GAA: variants seen among roughly 807,000 people sequenced by gnomAD.
The protein encoded by GAA is alpha glucosidase, also known as lysosomal alpha-glucosidase.
GAA carries 88 observed loss-of-function variants against 103.9 expected under a neutral mutation model. That is an observed-to-expected ratio of 0.85 (90% confidence interval 0.71 to 1.01). The LOEUF (loss-of-function observed/expected upper bound fraction) is 1.01. Among genes scored for constraint, GAA ranks in the 50% least tolerant of loss-of-function variants. The pLI, the probability that GAA is intolerant of heterozygous loss-of-function variation, is 0.00. For missense variants in GAA, 1,350 were observed against 1,305.3 expected (o/e 1.03, Z -0.53); for synonymous variants, 572 against 563.1 (o/e 1.02, Z -0.22).
rs1001984345 is a variant in GAA at position 80,111,303 on chromosome 17, C to T, written c.1636+278C>T. Among the ~76,000 whole-genome samples the T allele has an allele frequency of 9.8e-5, 15 of 152,302 alleles. No individual in the cohort carries two copies. The South Asian group carries it at 1.0e-3, about 11-fold the overall frequency. On this transcript the variant is annotated intron_variant, in intron 11 of 19. Transcript: ENST00000302262. ...CTCGACTCAGAGCCGTCTCGATAGG[C>T]GCAGGGACCATGCAGCGGAGACCTA...
At chr17:80,110,861 A>G in intron 10 of GAA, 21 bp downstream of exon 10, 1 of 1,613,400 alleles carries the variant, frequency 6.2e-7, no homozygotes, top group Non-Finnish European at 8.5e-7. Context: ...CCCCCTCCTG[A>G]GCATCCCCAA....
At chr17:80,110,335 C>T (rs372113563) in intron 9 of GAA, among the ~76,000 whole-genome samples, 6 of 152,320 alleles carry the variant, frequency 3.9e-5, no homozygotes, top group East Asian at 3.9e-4. Flanking sequence ...TCCTTGTCCT[C>T]CCAGCCCCCC....
Position 80,110,610 on chromosome 17 carries a change from A to G in GAA, c.1438-117A>G, listed in dbSNP as rs1325658119. 4 of 818,494 alleles carry G rather than the reference A, an allele frequency of 4.9e-6. No individual in the cohort carries two copies. The Admixed American group carries it at 6.3e-5, about 13-fold the overall frequency. 50.7% of individuals were successfully genotyped at this position (818,494 alleles called of 1,614,324 possible). ...AGGGTGCAGGTCTCTCAGATTTGCAAATGTGGGCGTCCACTAAGAGTGAGG... is the reference window on the plus strand; with the variant it reads ...AGGGTGCAGGTCTCTCAGATTTGCAGATGTGGGCGTCCACTAAGAGTGAGG... On this transcript the variant is annotated intron_variant, in intron 9 of 19. Transcript: ENST00000302262.
At position 80,107,596 on chromosome 17, in the gene GAA, G is replaced by C. The variant is rs1178922366; in HGVS notation, c.732G>C (p.Gln244His). Residue 244 changes from glutamine to histidine, a missense_variant, in exon 4 of 20, where the codon CAG (glutamine) becomes CAC (histidine). Physicochemically the swap from Gln to His is conservative, Grantham distance 24. Coordinates refer to ENST00000302262, the MANE Select transcript of GAA (RefSeq NM_000152.5). ...TGGCGCCCCTGTTCTTTGCGGACCA[G>C]TTCCTTCAGCTGTCCACCTCGCTGC... The part of the protein sequence containing the change: ...TTVAPLFFAD[Q>H]FLQLSTSLPS... 7 of 1,613,246 alleles carry C rather than the reference G, an allele frequency of 4.3e-6. No individual in the cohort carries two copies. The South Asian group carries it at 7.7e-5, about 18-fold the overall frequency.
At chr17:80,107,500 C>G (rs1424650530) in intron 3 of GAA, 57 bp from the exon 4 acceptor site, 4 of 1,610,978 alleles carry the variant, frequency 2.5e-6, no homozygotes, top group Middle Eastern at 1.7e-4. Context: ...TCTGGGTGCT[C>G]TCAGGCTCGT....
In GAA at chr17:80,112,716, G is replaced by A. The variant is rs528282884; in HGVS notation, c.1888+5G>A. 2 of 1,604,556 alleles carry A rather than the reference G, an allele frequency of 1.2e-6. No individual in the cohort carries two copies. The highest frequency in any genetic ancestry group is 1.7e-6 in the Non-Finnish European group (2 of 1,176,272). On this transcript the variant is annotated splice_donor_5th_base_variant and intron_variant, in intron 13 of 19. Coordinates refer to ENST00000302262, the MANE Select transcript of GAA (RefSeq NM_000152.5). The stretch of plus-strand genomic sequence containing the variant: ...AGCTCGCCTCCTCCGTGCCAGGTGA[G>A]CTCCTACCAGGAGGGGCTGCTCAGC...
rs150895924 is a variant in GAA at position 80,105,802 on chromosome 17, C to T, written c.600C>T (p.Val200=). 126 of 1,611,260 alleles carry T rather than the reference C, an allele frequency of 7.8e-5. No individual in the cohort carries two copies. The African/African-American group carries it at 1.5e-3, about 19-fold the overall frequency. The stretch of plus-strand genomic sequence containing the variant: ...AGGTGCCCTTGGAGACCCCGCATGT[C>T]CACAGCCGGGCACCGTCCCCACTCT... ...RYEVPLETPH[V]HSRAPSPLYS... The change falls in exon 3 of 20, where the codon GTC becomes GTT. Residue 200 remains valine (V), a synonymous_variant. Coordinates refer to ENST00000302262, the MANE Select transcript of GAA (RefSeq NM_000152.5).
At chr17:80,109,864 C>T in intron 8 of GAA, 81 bp from the exon 9 acceptor site, 3 of 985,238 alleles carry the variant, frequency 3.0e-6, no homozygotes, top group Non-Finnish European at 4.8e-6. Flanking sequence ...CCAGCCTCAT[C>T]CTCTCACTGT....
At chr17:80,112,290 A>C in intron 12 of GAA, 190 bp downstream of exon 12, 1 of 669,174 alleles carries the variant, frequency 1.5e-6, no homozygotes, top group Admixed American at 2.5e-5. Context: ...TTCCCACTTC[A>C]TGCCTGGGGC....
At chr17:80,112,460 C>A in intron 12 of GAA, 118 bp from the exon 13 acceptor site, 1 of 1,322,546 alleles carries the variant, frequency 7.6e-7, no homozygotes, top group South Asian at 1.2e-5. Context: ...CGCCGTCCTC[C>A]TCCCCAGCCT....
In GAA at chr17:80,105,877, G is replaced by T; in HGVS notation, c.675G>T (p.Gln225His). ...EEPFGVIVRR[Q>H]LDGRVLLNTT... ...CCTTCGGGGTGATCGTGCGCCGGCA[G>T]CTGGACGGCCGCGTGCTGTGAGTTC... Residue 225 changes from glutamine (Q) to histidine (H), a missense_variant, in exon 3 of 20, where the codon CAG (glutamine) becomes CAT (histidine). Coordinates refer to ENST00000302262, the MANE Select transcript of GAA (RefSeq NM_000152.5). 1 of 1,598,728 alleles carries T rather than the reference G, an allele frequency of 6.3e-7. No individual in the cohort carries two copies. Among genetic ancestry groups the T allele is most frequent in the Non-Finnish European group, 8.5e-7 (1 of 1,175,608 alleles).
rs71163924 is a variant in GAA at position 80,112,370 on chromosome 17, T to TG, written c.1755-200dup. On this transcript the variant is annotated intron_variant, in intron 12 of 19. Coordinates refer to ENST00000302262, the MANE Select transcript of GAA (RefSeq NM_000152.5). ...GGGGACCTCATGACTCCTGTGAGGC[T>TG]GGGGGGGGTCCTGGCTCACCTACAG... 3,471 of 669,084 alleles carry TG rather than the reference T, an allele frequency of 5.2e-3. 11 individuals are homozygous for TG. Among genetic ancestry groups the TG allele is most frequent in the Non-Finnish European group, 5.0e-3 (1,969 of 390,368 alleles). The allele number at this position is 669,084 out of a possible 1,614,324, so 41.4% of individuals were successfully genotyped here.
At chr17:80,113,983 A>T (rs187869213) in intron 15 of GAA, among the ~76,000 whole-genome samples, 1 of 149,580 alleles carries the variant, frequency 6.7e-6, no homozygotes, top group Non-Finnish European at 1.5e-5. Context: ...GCGCCACTGT[A>T]CTCCAGCCTG....
chr17:80,107,090 G>A (rs183325015), intron 3 of GAA, among the ~76,000 whole-genome samples: 92 of 152,316 alleles, frequency 6.0e-4, no homozygotes, highest in African/African-American at 2.0e-3. Context: ...TTCATTTCTC[G>A]GAGGTGCTGT....
rs55662462 is a variant in GAA at position 80,119,212 on chromosome 17, G to A, written c.2800-60G>A. On this transcript the variant is annotated intron_variant, in intron 19 of 19. Transcript: ENST00000302262. ...GGCCAGATGGAGCCGCCTTCTGAGC[G>A]CTGGGGTCTCACTGCTGCTGGGATC... 9.6e-3 allele frequency: 14,571 copies of A among 1,520,122 alleles called. 398 individuals are homozygous for A. The Admixed American group carries it at 0.1, about 10-fold the overall frequency. The allele number at this position is 1,520,122 out of a possible 1,614,324, so 94.2% of individuals were successfully genotyped here.
Position 80,105,123 on chromosome 17 carries a change from C to G in GAA, c.537C>G (p.Leu179=). The G allele has an allele frequency of 6.2e-7, 1 of 1,606,396 alleles. No homozygotes were observed. The highest frequency in any genetic ancestry group is 8.5e-7 in the Non-Finnish European group (1 of 1,177,736). Residue 179 remains leucine (L), a synonymous_variant, in exon 2 of 20, where the codon CTC becomes CTG. Transcript: ENST00000302262. ...LDVMMETENR[L]HFTIKDPANR... is the part of the protein sequence containing the mutation. ...TGATGATGGAGACTGAGAACCGCCT[C>G]CACTTCACGGTGGGCAGGGCAGGGG...
Position 80,113,034 on chromosome 17 carries a change from TG to T in GAA, c.2040+12del. On this transcript the variant is annotated splice_region_variant and intron_variant, in intron 14 of 19. Transcript: ENST00000302262. ...CAACAGCCTGCTCAGTCTGGTAGGG[TG>T]GGGGTGGCGGCATGGCAGGTGGGCG... 3 of 1,607,524 alleles carry T rather than the reference TG, an allele frequency of 1.9e-6. No individual in the cohort carries two copies. The highest frequency in any genetic ancestry group is 1.7e-4 in the Middle Eastern group (1 of 6,028).
At chr17:80,108,667 C>T in intron 7 of GAA, 30 bp from the exon 8 acceptor site, 2 of 1,612,778 alleles carry the variant, frequency 1.2e-6, no homozygotes, top group Non-Finnish European at 1.7e-6. Flanking sequence ...TCCTCAGGCC[C>T]CAGCAGACGG....
intron 1 of GAA, 128 bp downstream of exon 1, chr17:80,102,018 G>C (rs1292745285): frequency 6.6e-6 from 1 of 152,350 alleles, no homozygotes; most frequent in African/African-American, 2.4e-5. Flanking sequence ...TAGTCCTCCC[G>C]GTCTTTATCT....
Sources: allele counts gnomAD v4.1 joint callset (sites outside exome capture counted in the v4.1 genomes callset), GRCh38; gene constraint gnomAD v4.1.1; transcripts MANE v1.5; gene names NCBI Gene and HGNC (gene_info 2026-07-23, HGNC 2026-07-21).